Variants in GPBP1L1 observed in about 807,000 individuals in gnomAD.
GPBP1L1 encodes the protein vasculin-like protein 1.
Under a neutral mutation model 52.5 loss-of-function variants are expected in GPBP1L1, and 23 were observed. That is an observed-to-expected ratio of 0.44 (90% CI 0.32 to 0.62). GPBP1L1 has a LOEUF of 0.62. Among genes scored for constraint, GPBP1L1 ranks in the 20% least tolerant of loss-of-function variants. GPBP1L1 has a pLI of 0.06. For synonymous variants in GPBP1L1, 243 were observed against 203.1 expected (o/e 1.20, Z -1.67); for missense variants, 596 against 579.3 (o/e 1.03, Z -0.30).
intron 2 of GPBP1L1, among the ~76,000 whole-genome samples, chr1:45,663,305 AC>A (rs1444053560): frequency 6.6e-6 from 1 of 152,176 alleles, no homozygotes; most frequent in Non-Finnish European, 1.5e-5. Flanking sequence ...GCTGTTGGAC[AC>A]AAAGGAAAAT....
At chr1:45,658,194 C>T (rs1211105904) in intron 4 of GPBP1L1, among the ~76,000 whole-genome samples, 3 of 152,166 alleles carry the variant, frequency 2.0e-5, no homozygotes, top group African/African-American at 4.8e-5. Flanking sequence ...TAGGTTAATG[C>T]CTCTAAAACA....
chr1:45,673,756 G>C (rs1399401040), intron 2 of GPBP1L1, among the ~76,000 whole-genome samples: 2 of 152,166 alleles, frequency 1.3e-5, no homozygotes, highest in Non-Finnish European at 2.9e-5. Flanking sequence ...CAGCTAGTCG[G>C]GAGGTTGAGG....
chr1:45,672,377 C>A (rs963429154), intron 2 of GPBP1L1, among the ~76,000 whole-genome samples: 2 of 151,718 alleles, frequency 1.3e-5, no homozygotes, highest in Non-Finnish European at 2.9e-5. Flanking sequence ...TTCTTAGGTA[C>A]CTTTATATAT....
chr1:45,651,021 T>C, intron 6 of GPBP1L1: 2 of 447,230 alleles, frequency 4.5e-6, no homozygotes, highest in Non-Finnish European at 9.0e-6. Flanking sequence ...AGCTCAACAG[T>C]GTACATTTAA....
chr1:45,628,626 G>C (rs1393786539), intron 12 of GPBP1L1, among the ~76,000 whole-genome samples: 3 of 152,082 alleles, frequency 2.0e-5, no homozygotes. Context: ...TTCAGATTCA[G>C]AATGTCTGGG....
At chr1:45,653,909 G>C (rs1644851741) in intron 6 of GPBP1L1, among the ~76,000 whole-genome samples, 1 of 151,930 alleles carries the variant, frequency 6.6e-6, no homozygotes, top group Non-Finnish European at 1.5e-5. Context: ...ATGTTGGTCA[G>C]GCTGATCTTG....
intron 10 of GPBP1L1, among the ~76,000 whole-genome samples, chr1:45,630,980 G>A (rs1644523645): frequency 6.6e-6 from 1 of 152,038 alleles, no homozygotes; most frequent in Non-Finnish European, 1.5e-5. Flanking sequence ...AGTCCAATGG[G>A]ACAGAACAGA....
At chr1:45,656,940 C>T (rs1254269288) in intron 4 of GPBP1L1, among the ~76,000 whole-genome samples, 1 of 152,152 alleles carries the variant, frequency 6.6e-6, no homozygotes, top group Non-Finnish European at 1.5e-5. Context: ...TCTGCCTCAG[C>T]CTCTCAAAGT....
chr1:45,650,309 A>C (rs922294004), intron 6 of GPBP1L1, among the ~76,000 whole-genome samples: 1 of 152,144 alleles, frequency 6.6e-6, no homozygotes, highest in African/African-American at 2.4e-5. Context: ...TAACCCTTAC[A>C]ACCACACTTG....
chr1:45,650,942 A>G (rs1045630722), intron 6 of GPBP1L1: 1 of 309,286 alleles, frequency 3.2e-6, no homozygotes, highest in Admixed American at 3.9e-5. Context: ...AGTTAATTAC[A>G]TATTATTCAT....
chr1:45,637,332 A>T (rs1644605793), intron 8 of GPBP1L1, among the ~76,000 whole-genome samples: 1 of 152,118 alleles, frequency 6.6e-6, no homozygotes, highest in Non-Finnish European at 1.5e-5. Context: ...CTCATATCCT[A>T]CGTACCCAGA....
At chr1:45,639,847 C>T (rs1225936306) in intron 8 of GPBP1L1, among the ~76,000 whole-genome samples, 1 of 151,956 alleles carries the variant, frequency 6.6e-6, no homozygotes, top group Non-Finnish European at 1.5e-5. Flanking sequence ...CACTGCACTC[C>T]AGCCTGGGTG....
At chr1:45,669,467 C>T (rs1645048659) in intron 2 of GPBP1L1, among the ~76,000 whole-genome samples, 1 of 152,180 alleles carries the variant, frequency 6.6e-6, no homozygotes, top group Admixed American at 6.6e-5. Context: ...TTTAATAGCT[C>T]TATGGGAAAA....
At chr1:45,686,166 C>A (rs991890217) in intron 1 of GPBP1L1, among the ~76,000 whole-genome samples, 2 of 152,266 alleles carry the variant, frequency 1.3e-5, no homozygotes, top group African/African-American at 4.8e-5. Context: ...AGTAGGAGCG[C>A]TTTCGCGGAG....
Position 45,660,198 on chromosome 1 carries a change from T to TCTGG in GPBP1L1, c.-71_-70insCCAG, listed in dbSNP as rs1316401488. 1 of 985,348 alleles carries TCTGG rather than the reference T, an allele frequency of 1.0e-6. No homozygotes were observed. Among genetic ancestry groups the TCTGG allele is most frequent in the Non-Finnish European group, 1.2e-6 (1 of 829,898 alleles). 61.0% of individuals were successfully genotyped at this position (985,348 alleles called of 1,614,324 possible). On this transcript the variant is annotated 5_prime_UTR_variant, in exon 3 of 13. Coordinates refer to ENST00000355105, the MANE Select transcript of GPBP1L1 (RefSeq NM_021639.5). ...AGAATATTTACCCCAGAGTGTAACC[T>TCTGG]CTGTGGTCCTGTTTCTGAACTCGAG...
chr1:45,669,521 T>C (rs1035187122), intron 2 of GPBP1L1, among the ~76,000 whole-genome samples: 1 of 152,228 alleles, frequency 6.6e-6, no homozygotes, highest in Non-Finnish European at 1.5e-5. Flanking sequence ...CCTTGTTTAA[T>C]TTTGGCTCCA....
chr1:45,658,336 C>T (rs934154499), intron 4 of GPBP1L1, among the ~76,000 whole-genome samples: 1 of 152,156 alleles, frequency 6.6e-6, no homozygotes, highest in Non-Finnish European at 1.5e-5. Flanking sequence ...GTGCCATTCC[C>T]CTTTTACTTC....
At chr1:45,631,066 AG>A (rs577940640) in intron 10 of GPBP1L1, among the ~76,000 whole-genome samples, 216 of 150,204 alleles carry the variant, frequency 1.4e-3, no homozygotes, top group Non-Finnish European at 2.6e-3. Flanking sequence ...ACAAATGGTG[AG>A]GGAACAATTG....
At chr1:45,630,933 G>A (rs571479688) in intron 10 of GPBP1L1, among the ~76,000 whole-genome samples, 5 of 152,264 alleles carry the variant, frequency 3.3e-5, no homozygotes, top group Admixed American at 3.3e-4. Flanking sequence ...GAGGTGTGGG[G>A]GGAAAAAGTG....
Sources: gnomAD v4.1 joint callset for allele counts (sites outside exome capture counted in the v4.1 genomes callset) on GRCh38, gnomAD v4.1.1 for gene constraint, MANE v1.5 for transcripts, NCBI Gene and HGNC (gene_info 2026-07-23, HGNC 2026-07-21) for gene names.